ERICH1: variants seen among roughly 807,000 people sequenced by gnomAD.
The protein encoded by ERICH1 is glutamate rich 1, also known as glutamate-rich protein 1.
In ERICH1, 56 loss-of-function variants were observed where a neutral mutation model predicts 39.6. The ratio of observed to expected loss-of-function variants is 1.41; its 90% CI spans 1.14 to 1.77. The LOEUF (loss-of-function observed/expected upper bound fraction) is 1.77. Among genes scored for constraint, ERICH1 ranks in the 40% most tolerant of loss-of-function variants. The pLI is 0.00. For synonymous variants in ERICH1, 313 were observed against 223.6 expected (o/e 1.40, Z -3.57); for missense variants, 826 against 575.4 (o/e 1.44, Z -4.45).
intron 3 of ERICH1, among the ~76,000 whole-genome samples, chr8:638,890 C>T (rs1563176884): frequency 6.6e-6 from 1 of 152,132 alleles, no homozygotes; most frequent in Non-Finnish European, 1.5e-5. Context: ...GACGCTGCCT[C>T]CGTGGCCTTG....
intron 3 of ERICH1, among the ~76,000 whole-genome samples, chr8:637,779 G>C (rs546898340): frequency 6.5e-4 from 99 of 152,332 alleles, no homozygotes; most frequent in Admixed American, 2.8e-3. Flanking sequence ...CAGTTGGGGA[G>C]TGGAGCAGCC....
intron 3 of ERICH1, among the ~76,000 whole-genome samples, chr8:643,139 G>C (rs1487290258): frequency 6.6e-6 from 1 of 152,110 alleles, no homozygotes; most frequent in Non-Finnish European, 1.5e-5. Flanking sequence ...GCAGCCTGGA[G>C]TCTCCCGTCC....
In ERICH1 at chr8:644,146, G is replaced by A. The variant is rs568672654; in HGVS notation, c.976+24452C>T. On this transcript the variant is annotated intron_variant, in intron 3 of 3. Transcript: ENST00000522706. ...CCACTGCTACAGGGATCACTGTGTGGCCTCCTGGCCCCGTCCTAAGGCAAG... is the reference window on the plus strand; with the variant it reads ...CCACTGCTACAGGGATCACTGTGTGACCTCCTGGCCCCGTCCTAAGGCAAG... Among the ~76,000 whole-genome samples, 3 of 152,250 alleles carry A rather than the reference G, an allele frequency of 2.0e-5. No individual in the cohort carries two copies. In the East Asian group the frequency reaches 5.8e-4, roughly 29 times the overall value.
At chr8:658,296 G>A (rs1003474994) in intron 3 of ERICH1, among the ~76,000 whole-genome samples, 1 of 152,156 alleles carries the variant, frequency 6.6e-6, no homozygotes, top group Non-Finnish European at 1.5e-5. Flanking sequence ...TTCCCTGCAG[G>A]AAGAAGACTG....
chr8:721,102 T>A (rs931151757), intron 1 of ERICH1, among the ~76,000 whole-genome samples: 3 of 152,188 alleles, frequency 2.0e-5, no homozygotes, highest in Non-Finnish European at 4.4e-5. Flanking sequence ...AATGGATATC[T>A]CATTATAAAG....
intron 2 of ERICH1, among the ~76,000 whole-genome samples, chr8:710,586 A>C (rs774018698): frequency 1.2e-4 from 19 of 152,200 alleles, no homozygotes; most frequent in Non-Finnish European, 1.9e-4. Context: ...GGGTCTCCTC[A>C]GTTTTGCTTT....
chr8:644,235 G>A, intron 3 of ERICH1, among the ~76,000 whole-genome samples: 1 of 152,232 alleles, frequency 6.6e-6, no homozygotes, highest in South Asian at 2.1e-4. Context: ...CCTAAGGCGA[G>A]TGCCTGGCCT....
intron 2 of ERICH1, among the ~76,000 whole-genome samples, chr8:698,296 G>A (rs897668721): frequency 6.7e-6 from 1 of 150,206 alleles, no homozygotes; most frequent in Admixed American, 6.7e-5. Context: ...TCCGCTCACT[G>A]CAACTTCTGC....
intron 3 of ERICH1, among the ~76,000 whole-genome samples, chr8:629,860 A>T (rs1797867543): frequency 7.5e-6 from 1 of 133,706 alleles, no homozygotes; most frequent in African/African-American, 3.2e-5. Context: ...GACCACCCAC[A>T]CAGACAGAGC....
chr8:715,804 G>A, intron 2 of ERICH1, 57 bp downstream of exon 2: 1 of 1,561,166 alleles, frequency 6.4e-7, no homozygotes, highest in Non-Finnish European at 8.7e-7. Context: ...GGCAAGTGAT[G>A]ATGACGGAGG....
chr8:621,986 A>T (rs1289186836), intron 3 of ERICH1, among the ~76,000 whole-genome samples: 1 of 152,192 alleles, frequency 6.6e-6, no homozygotes, highest in Non-Finnish European at 1.5e-5. Flanking sequence ...AGGCCAAGGC[A>T]TGACGATCCC....
intron 2 of ERICH1, among the ~76,000 whole-genome samples, chr8:705,405 T>C (rs1813043733): frequency 6.6e-6 from 1 of 152,222 alleles, no homozygotes; most frequent in Non-Finnish European, 1.5e-5. Flanking sequence ...AAGACTTCTC[T>C]TTTTCCAGAT....
At position 673,714 on chromosome 8, in the gene ERICH1, G is replaced by T; in HGVS notation, c.638C>A (p.Thr213Asn). 6.2e-7 allele frequency: 1 copy of T among 1,614,120 alleles called. No individual in the cohort carries two copies. The highest frequency in any genetic ancestry group is 8.5e-7 in the Non-Finnish European group (1 of 1,179,980). Residue 213 changes from threonine to asparagine, a missense_variant, in exon 4 of 6, where the codon ACC (threonine) becomes AAC (asparagine). Transcript: ENST00000262109. ...GEACEEDGVD[T>N]SEEDPTLAGE... Reference sequence around the variant, plus strand: ...GGCCAGTGTCGGGTCTTCCTCGCTGGTGTCCACACCATCCTCCTCACAAGC... The same window carrying T: ...GGCCAGTGTCGGGTCTTCCTCGCTGTTGTCCACACCATCCTCCTCACAAGC...
intron 2 of ERICH1, among the ~76,000 whole-genome samples, chr8:712,677 T>C (rs1362647753): frequency 1.3e-5 from 2 of 152,204 alleles, no homozygotes; most frequent in African/African-American, 4.8e-5. Flanking sequence ...GACCCTGTGA[T>C]CCGCCCACCT....
chr8:679,296 G>C (rs1805575642), intron 3 of ERICH1, among the ~76,000 whole-genome samples: 1 of 142,886 alleles, frequency 7.0e-6, no homozygotes, highest in African/African-American at 2.6e-5. Context: ...CTCACAGCAA[G>C]TGACCCCTCA....
intron 2 of ERICH1, among the ~76,000 whole-genome samples, chr8:708,680 A>AGTTTTTTGTTTTTT (rs1554526139): frequency 5.4e-5 from 3 of 55,132 alleles, no homozygotes; most frequent in Non-Finnish European, 3.4e-5. Flanking sequence ...CGGGATAATG[A>AGTTTTTTGTTTTTT]GTTTTTTTTT....
intron 3 of ERICH1, among the ~76,000 whole-genome samples, chr8:680,496 T>C (rs1301360701): frequency 8.5e-6 from 1 of 117,444 alleles, no homozygotes; most frequent in Admixed American, 1.0e-4. Flanking sequence ...ACACGGAAAG[T>C]CCAAGAGAAT....
intron 3 of ERICH1, among the ~76,000 whole-genome samples, chr8:674,678 T>C (rs1322357569): frequency 1.3e-5 from 2 of 152,230 alleles, no homozygotes; most frequent in African/African-American, 4.8e-5. Flanking sequence ...CGTATTTCTT[T>C]TGTTCTTTTA....
chr8:715,963 T>C lies in ERICH1; in HGVS notation c.67A>G (p.Ser23Gly). ...VLQRLFPPVP[S>G]GQGKREPQTL... ...TGGGGTTCCCTCTTTCCTTGGCCAC[T>C]TGGAACAGGAGGAAAAAGTCTCTGC... The change falls in exon 2 of 6, where the codon AGT becomes GGT. Residue 23 changes from serine to glycine, a missense_variant. Ser to Gly is a moderately conservative substitution (Grantham distance 56). Coordinates refer to ENST00000262109, the MANE Select transcript of ERICH1 (RefSeq NM_207332.3). 6.2e-7 allele frequency: 1 copy of C among 1,613,796 alleles called. No homozygotes were observed. The highest frequency in any genetic ancestry group is 1.3e-5 in the African/African-American group (1 of 75,000).
Sources: gnomAD v4.1 joint callset for allele counts (sites outside exome capture counted in the v4.1 genomes callset) on GRCh38, gnomAD v4.1.1 for gene constraint, MANE v1.5 for transcripts, NCBI Gene and HGNC (gene_info 2026-07-23, HGNC 2026-07-21) for gene names.